Variants in RABL2B observed in about 807,000 individuals in gnomAD.
The protein encoded by RABL2B is rab-like protein 2B.
RABL2B carries 17 observed loss-of-function variants against 26.7 expected under a neutral mutation model. That is an observed-to-expected ratio of 0.64 (90% CI 0.44 to 0.95). The LOEUF is 0.95. Ranked by LOEUF, RABL2B falls within the 40% of genes least tolerant of loss-of-function variation. RABL2B has a pLI of 0.00. For missense variants in RABL2B, 170 were observed against 277.2 expected (o/e 0.61, Z 2.75); for synonymous variants, 70 against 103.9 (o/e 0.67, Z 1.99).
At chr22:50,781,578 G>A (rs1448906346) in intron 2 of RABL2B, among the ~76,000 whole-genome samples, 1 of 152,060 alleles carries the variant, frequency 6.6e-6, no homozygotes, top group African/African-American at 2.4e-5. Context: ...CCACTTCTCT[G>A]GGCAGGGGCA....
intron 6 of RABL2B, 149 bp from the exon 7 acceptor site, chr22:50,769,701 A>C (rs2083855321): frequency 7.4e-7 from 1 of 1,352,890 alleles, no homozygotes; most frequent in South Asian, 1.4e-5. Context: ...GTTAATAGGG[A>C]TCTGTGTCTT....
Position 50,768,814 on chromosome 22 carries a change from C to T in RABL2B, c.652G>A (p.Glu218Lys), listed in dbSNP as rs141584798. 510 of 1,613,464 alleles carry T rather than the reference C, an allele frequency of 3.2e-4. 1 individual carries two copies. The African/African-American group carries it at 5.1e-3, about 16-fold the overall frequency. The change falls in exon 9 of 9, where the codon GAG (glutamate) becomes AAG (lysine). Residue 218 changes from glutamate (E) to lysine (K), a missense_variant. Glu to Lys is a moderately conservative substitution (Grantham distance 56). Around this residue, in one of 2 missense-constraint regions of RABL2B, gnomAD observed 165 missense variants for 232.0 expected, o/e 0.71. Coordinates refer to ENST00000691320, the MANE Select transcript of RABL2B (RefSeq NM_001130919.3). ...VPDQEQSSSI[E>K]TPSEEAASPH... is the part of the protein sequence containing the mutation. The stretch of plus-strand genomic sequence containing the variant: ...GAGGCCGCCTCCTCTGATGGGGTCT[C>T]GATGCTGCTGCTCTGTTCCTGGTCT...
At chr22:50,776,367 G>A (rs569301855) in intron 4 of RABL2B, among the ~76,000 whole-genome samples, 2 of 152,158 alleles carry the variant, frequency 1.3e-5, no homozygotes, top group African/African-American at 2.4e-5. Flanking sequence ...CTGCCTCGTC[G>A]AAGGCCTCTT....
rs2083668865 is a variant in RABL2B, at chr22:50,768,324, C to T, written c.*452G>A. 1 of 234,602 alleles carries T rather than the reference C, an allele frequency of 4.3e-6. No individual in the cohort carries two copies. The highest frequency in any genetic ancestry group is 2.4e-5 in the African/African-American group (1 of 41,186). The allele number at this position is 234,602 out of a possible 1,614,324, so 14.5% of individuals were successfully genotyped here. A position where few individuals can be genotyped will look rare whatever the true frequency, so the allele number is the denominator to read the frequency against. ...GAGAAAACGTAGGGAAAGGATGGGG[C>T]CTCACAGACTCAGCTGTGGGTGGGG... On this transcript the variant is annotated 3_prime_UTR_variant, in exon 9 of 9. Transcript: ENST00000691320.
At chr22:50,779,133 A>G (rs1190240110) in intron 2 of RABL2B, among the ~76,000 whole-genome samples, 2 of 151,200 alleles carry the variant, frequency 1.3e-5, no homozygotes, top group Non-Finnish European at 2.9e-5. Context: ...TCATCCAAGC[A>G]GAAGCAGTGG....
chr22:50,775,970 G>C, intron 4 of RABL2B, 119 bp from the exon 5 acceptor site: 1 of 979,500 alleles, frequency 1.0e-6, no homozygotes, highest in Non-Finnish European at 1.6e-6. Context: ...GGGAGCACAG[G>C]GAGAAACAGA....
In RABL2B at chr22:50,778,119, C is replaced by A. The variant is rs879955636; in HGVS notation, c.108-138G>T. On this transcript the variant is annotated intron_variant, in intron 2 of 8. Coordinates refer to ENST00000691320, the MANE Select transcript of RABL2B (RefSeq NM_001130919.3). ...TTTCACTCCACAGCCACACAGCTTC[C>A]GGGTCAAGTCTGGAAGTTGGGTATC... is the stretch of plus-strand genomic sequence containing the variant. 9.8e-6 allele frequency: 12 copies of A among 1,227,086 alleles called. No homozygotes were observed. In the African/African-American group the frequency reaches 1.8e-4, roughly 19 times the overall value. 76.0% of individuals were successfully genotyped at this position (1,227,086 alleles called of 1,614,324 possible). A position where few individuals can be genotyped will look rare whatever the true frequency, so the allele number is the denominator to read the frequency against.
intron 7 of RABL2B, 23 bp downstream of exon 7, chr22:50,769,432 G>T (rs1367933781): frequency 2.5e-6 from 4 of 1,610,888 alleles, no homozygotes; most frequent in Non-Finnish European, 3.4e-6. Context: ...GACCTTGCTA[G>T]CTACCTCTGC....
intron 2 of RABL2B, among the ~76,000 whole-genome samples, chr22:50,781,400 A>AGAGAGAGAGAG (rs372010585): frequency 2.1e-5 from 3 of 141,822 alleles, no homozygotes; most frequent in East Asian, 4.1e-4. Flanking sequence ...TGTGGTGGGG[A>AGAGAGAGAGAG]AGAGAGAGAG....
chr22:50,781,105 C>G (rs1243044551), intron 2 of RABL2B, among the ~76,000 whole-genome samples: 3 of 152,042 alleles, frequency 2.0e-5, no homozygotes, highest in African/African-American at 7.2e-5. Flanking sequence ...CTTTCGGAGG[C>G]TGAGGTGGGC....
At position 50,768,519 on chromosome 22, in the gene RABL2B, T is replaced by C. The variant is rs1397615481; in HGVS notation, c.*257A>G. 47 of 740,666 alleles carry C rather than the reference T, an allele frequency of 6.3e-5. No individual in the cohort carries two copies. Among genetic ancestry groups the C allele is most frequent in the Non-Finnish European group, 9.2e-5 (45 of 487,068 alleles). The allele number at this position is 740,666 out of a possible 1,614,324, so 45.9% of individuals were successfully genotyped here. ...TCACTGTCTGCCTGCGGGGAGGGGGTGGGGAAGGTGTTAATGATGCTGATC... is the reference window on the plus strand; with the variant it reads ...TCACTGTCTGCCTGCGGGGAGGGGGCGGGGAAGGTGTTAATGATGCTGATC... On this transcript the variant is annotated 3_prime_UTR_variant, in exon 9 of 9. Coordinates refer to ENST00000691320, the MANE Select transcript of RABL2B (RefSeq NM_001130919.3).
chr22:50,779,997 A>G (rs1232167409), intron 2 of RABL2B, among the ~76,000 whole-genome samples: 34 of 151,946 alleles, frequency 2.2e-4, no homozygotes, highest in African/African-American at 8.0e-4. Flanking sequence ...ACAAAAAACC[A>G]TGTCTTGTTA....
At chr22:50,769,625 G>A in intron 6 of RABL2B, 73 bp from the exon 7 acceptor site, 3 of 1,604,980 alleles carry the variant, frequency 1.9e-6, no homozygotes, top group Non-Finnish European at 2.6e-6. Context: ...GGGGCCACTG[G>A]AGGCCTTCAT....
chr22:50,780,397 CTTTTT>C (rs149044797), intron 2 of RABL2B, among the ~76,000 whole-genome samples: 1 of 122,246 alleles, frequency 8.2e-6, no homozygotes. Context: ...CAAGTGTTAA[CTTTTT>C]TTTTTTTTTT....
intron 7 of RABL2B, 36 bp downstream of exon 7, chr22:50,769,419 C>A (rs2083802010): frequency 6.2e-7 from 1 of 1,609,912 alleles, no homozygotes; most frequent in Non-Finnish European, 8.5e-7. Flanking sequence ...CACCTAGCGC[C>A]CTGACCTTGC....
intron 2 of RABL2B, among the ~76,000 whole-genome samples, chr22:50,781,071 T>A (rs1276198107): frequency 6.6e-6 from 1 of 152,072 alleles, no homozygotes; most frequent in Non-Finnish European, 1.5e-5. Flanking sequence ...CCGGGCGCGG[T>A]GGCTCATGCC....
chr22:50,772,294 A>C (rs1352782292), intron 5 of RABL2B: 51 of 978,966 alleles, frequency 5.2e-5, no homozygotes, highest in Admixed American at 2.5e-4. Context: ...CTCCCAAAGT[A>C]CTGGGATTAA....
At chr22:50,773,994 A>G (rs1569164348) in intron 5 of RABL2B, among the ~76,000 whole-genome samples, 1 of 151,964 alleles carries the variant, frequency 6.6e-6, no homozygotes, top group Non-Finnish European at 1.5e-5. Context: ...TCCCGGGTTC[A>G]CGCCATTCTC....
rs1392505529 is a variant in RABL2B at position 50,777,417 on chromosome 22, C to T, written c.137+535G>A. The stretch of plus-strand genomic sequence containing the variant: ...GACAGGCAGCAGCAGGCTCCAGGGG[C>T]TCCTCTCACCTGTGGTTCTCAGTGG... On this transcript the variant is annotated intron_variant, in intron 3 of 8. Coordinates refer to ENST00000691320, the MANE Select transcript of RABL2B (RefSeq NM_001130919.3). Among the ~76,000 whole-genome samples, 3 of 142,338 alleles carry T rather than the reference C, an allele frequency of 2.1e-5. No homozygotes were observed. In the East Asian group the frequency reaches 6.0e-4, roughly 29 times the overall value. 93.4% of individuals were successfully genotyped at this position (142,338 alleles called of 152,430 possible). A position where few individuals can be genotyped will look rare whatever the true frequency, so the allele number is the denominator to read the frequency against.
Sources: allele counts gnomAD v4.1 joint callset (sites outside exome capture counted in the v4.1 genomes callset), GRCh38; gene constraint gnomAD v4.1.1; regional missense constraint gnomAD v4.1.1; transcripts MANE v1.5; gene names NCBI Gene and HGNC (gene_info 2026-07-23, HGNC 2026-07-21).